The following PCDH15 variants were observed in gnomAD, a reference collection of about 807,000 sequenced individuals.
PCDH15 encodes the protein protocadherin related 15.
In PCDH15, 129 loss-of-function variants were observed where a neutral mutation model predicts 178.5. The observed-to-expected ratio is 0.72, with a 90% CI of 0.63 to 0.84. The LOEUF (loss-of-function observed/expected upper bound fraction) is 0.84, where lower values mean the gene tolerates loss of function less well. Among genes scored for constraint, PCDH15 ranks in the 40% least tolerant of loss-of-function variants. The probability of loss-of-function intolerance (pLI) is 0.00; values close to 1 mark genes in which losing one functional copy is unlikely to be tolerated. For missense variants in PCDH15, 2,230 were observed against 2,099.9 expected, an observed-to-expected ratio of 1.06 and a Z score of -1.21; for synonymous variants, 800 against 732.0, an observed-to-expected ratio of 1.09 and a Z score of -1.50.
chr10:54,814,339 G>A (rs1952915664), intron 3 of PCDH15, among the ~76,000 whole-genome samples: 1 of 152,010 alleles, frequency 6.6e-6, no homozygotes, highest in South Asian at 2.1e-4. Flanking sequence ...ATTTTAAAAA[G>A]TTTCATTTGT....
At chr10:55,362,087 G>GACAT (rs1845244062) in intron 2 of PCDH15, among the ~76,000 whole-genome samples, 1 of 151,990 alleles carries the variant, frequency 6.6e-6, no homozygotes, top group African/African-American at 2.4e-5. Flanking sequence ...GGCTATTTAA[G>GACAT]ACATAGTATT....
chr10:54,858,920 G>A (rs1412460509), intron 3 of PCDH15, among the ~76,000 whole-genome samples: 1 of 151,800 alleles, frequency 6.6e-6, no homozygotes, highest in Non-Finnish European at 1.5e-5. Flanking sequence ...AAAATGATAG[G>A]GCCACAATGA....
chr10:55,005,534 C>A (rs1028347234), intron 2 of PCDH15, among the ~76,000 whole-genome samples: 3 of 152,004 alleles, frequency 2.0e-5, no homozygotes, highest in African/African-American at 7.2e-5. Context: ...TGGAGACAAA[C>A]CATTTTCTGA....
At chr10:54,244,473 CTTG>C (rs1339600685) in intron 8 of PCDH15, among the ~76,000 whole-genome samples, 1 of 152,160 alleles carries the variant, frequency 6.6e-6, no homozygotes, top group East Asian at 1.9e-4. Context: ...GTAACAAAAT[CTTG>C]TTGGTAACAA....
chr10:54,126,455 G>T (rs2132958754), intron 15 of PCDH15, among the ~76,000 whole-genome samples: 1 of 151,972 alleles, frequency 6.6e-6, no homozygotes, highest in Non-Finnish European at 1.5e-5. Context: ...GCCTCCTTAT[G>T]TACCTTAAAT....
At chr10:54,603,704 T>G (rs2134124244) in intron 2 of PCDH15, among the ~76,000 whole-genome samples, 1 of 152,008 alleles carries the variant, frequency 6.6e-6, no homozygotes, top group East Asian at 1.9e-4. Flanking sequence ...CTTAGAGGCA[T>G]TCCCAGAACC....
chr10:54,267,546 G>A (rs966941284), intron 8 of PCDH15, among the ~76,000 whole-genome samples: 12 of 149,026 alleles, frequency 8.1e-5, no homozygotes, highest in African/African-American at 2.7e-4. Context: ...GACCAAAGAC[G>A]CCTAAAGTTG....
At chr10:54,044,338 G>T (rs1183699292) in intron 18 of PCDH15, among the ~76,000 whole-genome samples, 1 of 152,046 alleles carries the variant, frequency 6.6e-6, no homozygotes, top group Admixed American at 6.6e-5. Context: ...ATAGAAGTGG[G>T]CATTTTAGCA....
intron 1 of PCDH15, among the ~76,000 whole-genome samples, chr10:54,673,132 T>A (rs1349665542): frequency 1.3e-5 from 2 of 152,140 alleles, no homozygotes; most frequent in Non-Finnish European, 2.9e-5. Context: ...GTAGGTTTGT[T>A]ACGTGGGTAT....
chr10:54,845,344 T>C (rs1174676746), intron 3 of PCDH15, among the ~76,000 whole-genome samples: 1 of 152,004 alleles, frequency 6.6e-6, no homozygotes, highest in African/African-American at 2.4e-5. Flanking sequence ...AGACTTTGGT[T>C]GACAGGGAAG....
At chr10:54,559,928 A>C (rs1279759705) in intron 2 of PCDH15, among the ~76,000 whole-genome samples, 6 of 150,662 alleles carry the variant, frequency 4.0e-5, no homozygotes, top group African/African-American at 1.5e-4. Context: ...TAATTCCATG[A>C]GCAGTTTTGT....
At chr10:54,624,725 T>C (rs2134531211) in intron 2 of PCDH15, among the ~76,000 whole-genome samples, 1 of 152,300 alleles carries the variant, frequency 6.6e-6, no homozygotes, top group South Asian at 2.1e-4. Context: ...GCCTGAGCTC[T>C]ACCTCCTGTC....
intron 3 of PCDH15, among the ~76,000 whole-genome samples, chr10:54,411,479 A>C (rs1027355488): frequency 3.3e-5 from 5 of 152,174 alleles, no homozygotes; most frequent in African/African-American, 1.2e-4. Flanking sequence ...CAATTCTATC[A>C]GTCACTAGCA....
intron 1 of PCDH15, among the ~76,000 whole-genome samples, chr10:54,770,487 A>G (rs541490533): frequency 6.6e-6 from 1 of 152,238 alleles, no homozygotes; most frequent in East Asian, 1.9e-4. Flanking sequence ...TCCTTTTCAG[A>G]AAGTACATCC....
At chr10:54,226,627 C>T (rs1307958497) in intron 9 of PCDH15, among the ~76,000 whole-genome samples, 1 of 152,168 alleles carries the variant, frequency 6.6e-6, no homozygotes, top group African/African-American at 2.4e-5. Flanking sequence ...CAATTCATGC[C>T]TTCTCAATAG....
chr10:54,241,176 G>C (rs1244801042), intron 8 of PCDH15, among the ~76,000 whole-genome samples: 3 of 152,092 alleles, frequency 2.0e-5, no homozygotes, highest in Non-Finnish European at 2.9e-5. Flanking sequence ...GTTCCAAAAA[G>C]GAGATTGATT....
At chr10:54,338,964 A>G (rs1197170557) in intron 6 of PCDH15, among the ~76,000 whole-genome samples, 1 of 152,226 alleles carries the variant, frequency 6.6e-6, no homozygotes, top group South Asian at 2.1e-4. Context: ...ACCTATATTT[A>G]GATTTTTCCA....
chr10:53,865,950 G>A (rs537851402), intron 27 of PCDH15, among the ~76,000 whole-genome samples: 3 of 152,254 alleles, frequency 2.0e-5, no homozygotes, highest in East Asian at 3.9e-4. Context: ...ATGCTTTCAA[G>A]TTGGTAAAGA....
In PCDH15 at chr10:53,806,804, T is replaced by C. The variant is rs1362763114; in HGVS notation, c.4998A>G (p.Ala1666=). The C allele has an allele frequency of 1.2e-6, 2 of 1,613,822 alleles. No individual in the cohort carries two copies. The highest frequency in any genetic ancestry group is 2.2e-5 in the East Asian group (1 of 44,868). ...GGGCAAATGTAACCAGAGTTGGTCT[T>C]GCATTCATTTTTTCAGTAGAAAATG... ...KGPFSTEKMN[A]RPTLVTFAPC... is the part of the protein sequence containing the mutation. Residue 1666 remains alanine, a synonymous_variant, in exon 38 of 38, where the codon GCA becomes GCG. Transcript: ENST00000644397.
Sources: allele counts gnomAD v4.1 joint callset (sites outside exome capture counted in the v4.1 genomes callset), GRCh38; gene constraint gnomAD v4.1.1; transcripts MANE v1.5; gene names NCBI Gene and HGNC (gene_info 2026-07-23, HGNC 2026-07-21).